The following PCDHGB5 variants were observed in gnomAD, a reference collection of about 807,000 sequenced individuals.
PCDHGB5 encodes protocadherin gamma-B5.
Under a neutral mutation model 62.9 loss-of-function variants are expected in PCDHGB5, and 48 were observed. The observed-to-expected ratio is 0.76, with a 90% CI of 0.61 to 0.97. The LOEUF (loss-of-function observed/expected upper bound fraction) is 0.97. Ranked by LOEUF, PCDHGB5 falls within the 50% of genes least tolerant of loss-of-function variation. The probability of loss-of-function intolerance (pLI) is 0.00; values close to 1 mark genes in which losing one functional copy is unlikely to be tolerated. For synonymous variants in PCDHGB5, 474 were observed against 511.2 expected (o/e 0.93, Z 0.98); for missense variants, 1,118 against 1,198.6 (o/e 0.93, Z 0.99).
intron 1 of PCDHGB5, chr5:141,419,534 G>C: frequency 6.2e-7 from 1 of 1,612,078 alleles, no homozygotes; most frequent in African/African-American, 1.3e-5. Context: ...TAACGACAAC[G>C]CACCGCGGGT....
chr5:141,457,386 A>G lies in PCDHGB5; in HGVS notation c.2398-37421A>G, dbSNP rs1303460358. Reference sequence around the variant, plus strand: ...TGCAAAATAATTGCCCAGAACTAGCATATTGATTCACATTTTCACATTACC... The same window carrying G: ...TGCAAAATAATTGCCCAGAACTAGCGTATTGATTCACATTTTCACATTACC... On this transcript the variant is annotated intron_variant, in intron 1 of 3. Transcript: ENST00000617380. Among the ~76,000 whole-genome samples the G allele has an allele frequency of 5.3e-5, 8 of 152,210 alleles. No homozygotes were observed. The East Asian group carries it at 1.3e-3, about 26-fold the overall frequency.
chr5:141,457,902 G>A (rs1219261409), intron 1 of PCDHGB5, among the ~76,000 whole-genome samples: 1 of 150,854 alleles, frequency 6.6e-6, no homozygotes, highest in Non-Finnish European at 1.5e-5. Flanking sequence ...GTGTAGACAA[G>A]GTGTGAGGCC....
intron 1 of PCDHGB5, chr5:141,433,315 TCCGGTGTAACAGGGACTA>T: frequency 1.2e-6 from 1 of 856,086 alleles, no homozygotes; most frequent in Non-Finnish European, 1.8e-6. Flanking sequence ...CACCTTTGCC[TCCGGTGTAACAGGGACTA>T]CAGGTGCAAG....
chr5:141,487,818 G>T lies in PCDHGB5; in HGVS notation c.2398-6989G>T, dbSNP rs1009237001. The T allele has an allele frequency of 1.2e-5, 16 of 1,331,602 alleles. No homozygotes were observed. Among genetic ancestry groups the T allele is most frequent in the Non-Finnish European group, 1.4e-5 (14 of 970,528 alleles). The allele number at this position is 1,331,602 out of a possible 1,614,324, so 82.5% of individuals were successfully genotyped here. On this transcript the variant is annotated intron_variant, in intron 1 of 3. Transcript: ENST00000617380. This position sits in a 1 kb window ranked among gnomAD's most constrained non-coding sequence, Gnocchi z 5.0. Reference sequence around the variant, plus strand: ...GAGTTGTCACAGTTTAGCATTGGGGGCGGGTCATGCCTATATCTGAGTAAG... The same window carrying T: ...GAGTTGTCACAGTTTAGCATTGGGGTCGGGTCATGCCTATATCTGAGTAAG...
chr5:141,404,833 C>G (rs754055876), intron 1 of PCDHGB5: 1 of 1,613,844 alleles, frequency 6.2e-7, no homozygotes, highest in Admixed American at 1.7e-5. Flanking sequence ...GTGAAGTGCG[C>G]ACAGCTCGGG....
chr5:141,445,621 G>A (rs1216813961), intron 1 of PCDHGB5, among the ~76,000 whole-genome samples: 4 of 151,996 alleles, frequency 2.6e-5, no homozygotes, highest in African/African-American at 7.2e-5. Flanking sequence ...TCTTTTTTTC[G>A]GAAAGTGATA....
chr5:141,504,078 C>T (rs1333392062), intron 2 of PCDHGB5, among the ~76,000 whole-genome samples: 1 of 152,078 alleles, frequency 6.6e-6, no homozygotes, highest in Non-Finnish European at 1.5e-5. Flanking sequence ...CCAGATGGTG[C>T]CAAACAGTTA....
chr5:141,486,489 G>T lies in PCDHGB5; in HGVS notation c.2398-8318G>T. 2 of 1,614,060 alleles carry T rather than the reference G, an allele frequency of 1.2e-6. No homozygotes were observed. The highest frequency in any genetic ancestry group is 1.7e-6 in the Non-Finnish European group (2 of 1,179,892). ...GGGAACCCTCCTCTCAGTACCCACA[G>T]AACTATTTTCCTCAATATTTCAGAT... On this transcript the variant is annotated intron_variant, in intron 1 of 3. Coordinates refer to ENST00000617380, the MANE Select transcript of PCDHGB5 (RefSeq NM_018925.3). The surrounding 1 kb of genome is among the most constrained non-coding windows in gnomAD (Gnocchi z 5.0).
chr5:141,511,265 A>C lies in PCDHGB5; in HGVS notation c.*92A>C. The C allele has an allele frequency of 6.4e-7, 1 of 1,551,730 alleles. No individual in the cohort carries two copies. Among genetic ancestry groups the C allele is most frequent in the Non-Finnish European group, 8.7e-7 (1 of 1,148,178 alleles). ...ACCCAGGCCTCAGAGTTTCAGGGCT[A>C]ACCCCCAGAATACTGGTAGGGGCCA... On this transcript the variant is annotated 3_prime_UTR_variant, in exon 4 of 4. Coordinates refer to ENST00000617380, the MANE Select transcript of PCDHGB5 (RefSeq NM_018925.3).
At chr5:141,414,422 G>T (rs369608304) in intron 1 of PCDHGB5, 1 of 1,613,866 alleles carries the variant, frequency 6.2e-7, no homozygotes, top group Non-Finnish European at 8.5e-7. Context: ...GCCCTTGACA[G>T]GGAACAGGTA....
chr5:141,410,631 C>CT (rs768462511), intron 1 of PCDHGB5: 26 of 1,600,818 alleles, frequency 1.6e-5, no homozygotes, highest in Non-Finnish European at 2.2e-5. Context: ...GTGAGTTTCT[C>CT]TTTTTTGTGT....
rs766168062 is a variant in PCDHGB5, at chr5:141,491,124, G to A, written c.2398-3683G>A. ...TCGTGTCTACACACACTGGTGAGGT[G>A]CGCACAGCCCGGGCCTTACTGGAGG... On this transcript the variant is annotated intron_variant, in intron 1 of 3. Transcript: ENST00000617380. The surrounding 1 kb of genome is among the most constrained non-coding windows in gnomAD (Gnocchi z 6.9). 22 of 1,614,092 alleles carry A rather than the reference G, an allele frequency of 1.4e-5. No individual in the cohort carries two copies. The highest frequency in any genetic ancestry group is 3.3e-5 in the Admixed American group (2 of 60,004).
In PCDHGB5 at chr5:141,399,195, G is replaced by A. The variant is rs773731727; in HGVS notation, c.1068G>A (p.Ala356=). Residue 356 remains alanine (A), a synonymous_variant, in exon 1 of 4, where the codon GCG becomes GCA. Transcript: ENST00000617380. ...TACTTGAAATGATTCTGGAAAACGC[G>A]GTGCCTGGAACACTAATTGCTTTGA... ...HSLLEMILEN[A]VPGTLIALIK... is the part of the protein sequence containing the mutation. 5 of 1,613,852 alleles carry A rather than the reference G, an allele frequency of 3.1e-6. No individual in the cohort carries two copies. The highest frequency in any genetic ancestry group is 4.2e-6 in the Non-Finnish European group (5 of 1,179,854).
chr5:141,432,271 C>T lies in PCDHGB5; in HGVS notation c.2397+31747C>T. On this transcript the variant is annotated intron_variant, in intron 1 of 3. Transcript: ENST00000617380. The surrounding 1 kb of genome is among the most constrained non-coding windows in gnomAD (Gnocchi z 6.0). ...TCCAAGGGGCAAGCCTATCGTCCTA[C>T]GTGTCCATCAACTCCGACACTGGGG... is the stretch of plus-strand genomic sequence containing the variant. The T allele has an allele frequency of 6.2e-7, 1 of 1,614,264 alleles. No individual in the cohort carries two copies. Among genetic ancestry groups the T allele is most frequent in the Non-Finnish European group, 8.5e-7 (1 of 1,180,050 alleles).
intron 2 of PCDHGB5, among the ~76,000 whole-genome samples, chr5:141,496,748 C>T (rs1382244657): frequency 6.6e-6 from 1 of 152,130 alleles, no homozygotes; most frequent in African/African-American, 2.4e-5. Flanking sequence ...ATTTATTCAA[C>T]AAATATTTAT....
In PCDHGB5 at chr5:141,432,856, G is replaced by C; in HGVS notation, c.2397+32332G>C. 1 of 1,614,142 alleles carries C rather than the reference G, an allele frequency of 6.2e-7. No homozygotes were observed. The highest frequency in any genetic ancestry group is 1.7e-5 in the Admixed American group (1 of 60,030). On this transcript the variant is annotated intron_variant, in intron 1 of 3. Coordinates refer to ENST00000617380, the MANE Select transcript of PCDHGB5 (RefSeq NM_018925.3). This position sits in a 1 kb window ranked among gnomAD's most constrained non-coding sequence, Gnocchi z 6.0. Reference sequence around the variant, plus strand: ...TGTACCTGGTGGTAGCGGTGGCCGCGGTCTCCTGCGTCTTCCTGGCCTTCG... The same window carrying C: ...TGTACCTGGTGGTAGCGGTGGCCGCCGTCTCCTGCGTCTTCCTGGCCTTCG...
chr5:141,472,557 A>G (rs2099288029), intron 1 of PCDHGB5, among the ~76,000 whole-genome samples: 3 of 152,044 alleles, frequency 2.0e-5, no homozygotes, highest in Admixed American at 1.3e-4. Flanking sequence ...AAAAAATTAT[A>G]TTATAAATGC....
intron 1 of PCDHGB5, among the ~76,000 whole-genome samples, chr5:141,425,482 C>T (rs1257043728): frequency 6.6e-6 from 1 of 152,192 alleles, no homozygotes; most frequent in Non-Finnish European, 1.5e-5. Context: ...CCTATGGCAA[C>T]CTACTAGGCT....
chr5:141,398,989 T>A lies in PCDHGB5; in HGVS notation c.862T>A (p.Phe288Ile), dbSNP rs766277028. 153 of 1,613,914 alleles carry A rather than the reference T, an allele frequency of 9.5e-5. No individual in the cohort carries two copies. The Middle Eastern group carries it at 3.6e-3, about 38-fold the overall frequency. ...TYSFYRTGQI[F>I]SLNSKSGEIT... ...TTCCTTCTACAGAACCGGGCAAATC[T>A]TTAGTCTGAATTCAAAGAGCGGAGA... is the stretch of plus-strand genomic sequence containing the variant. Residue 288 changes from phenylalanine (F) to isoleucine (I), a missense_variant, in exon 1 of 4, where the codon TTT (phenylalanine) becomes ATT (isoleucine). Physicochemically the swap from Phe to Ile is conservative, Grantham distance 21. Coordinates refer to ENST00000617380, the MANE Select transcript of PCDHGB5 (RefSeq NM_018925.3).
Sources: allele counts gnomAD v4.1 joint callset (sites outside exome capture counted in the v4.1 genomes callset), GRCh38; gene constraint gnomAD v4.1.1; non-coding constraint Gnocchi (gnomAD v3.1); transcripts MANE v1.5; gene names NCBI Gene and HGNC (gene_info 2026-07-23, HGNC 2026-07-21).